Variants in MAPKAP1 observed in about 807,000 individuals in gnomAD.
The protein encoded by MAPKAP1 is MAPK associated protein 1.
In MAPKAP1, 20 loss-of-function variants were observed where a neutral mutation model predicts 65.7. The ratio of observed to expected loss-of-function variants is 0.30; its 90% CI spans 0.21 to 0.44. MAPKAP1 has a LOEUF of 0.44. Ranked by LOEUF, MAPKAP1 falls within the 20% of genes least tolerant of loss-of-function variation. The probability of loss-of-function intolerance (pLI) is 1.00; values close to 1 mark genes in which losing one functional copy is unlikely to be tolerated. For missense variants in MAPKAP1, 423 were observed against 648.0 expected, an observed-to-expected ratio of 0.65 and a Z score of 3.77; for synonymous variants, 222 against 244.3, an observed-to-expected ratio of 0.91 and a Z score of 0.85.
intron 1 of MAPKAP1, among the ~76,000 whole-genome samples, chr9:125,686,737 T>C (rs1588074778): frequency 6.6e-6 from 1 of 152,354 alleles, no homozygotes; most frequent in Non-Finnish European, 1.5e-5. Context: ...AGAATTGTAA[T>C]AGTATCAAGA....
At chr9:125,637,074 G>C (rs1036856202) in intron 4 of MAPKAP1, among the ~76,000 whole-genome samples, 3 of 152,134 alleles carry the variant, frequency 2.0e-5, no homozygotes, top group African/African-American at 7.2e-5. Flanking sequence ...TTTGAGACCA[G>C]CCTGGCCAAC....
chr9:125,548,546 C>T (rs1263496983), intron 6 of MAPKAP1, among the ~76,000 whole-genome samples: 1 of 152,212 alleles, frequency 6.6e-6, no homozygotes, highest in Non-Finnish European at 1.5e-5. Flanking sequence ...AACATAATCA[C>T]TTTAACTTCA....
intron 5 of MAPKAP1, among the ~76,000 whole-genome samples, chr9:125,572,487 G>A (rs1831264516): frequency 6.6e-6 from 1 of 152,232 alleles, no homozygotes; most frequent in South Asian, 2.1e-4. Flanking sequence ...ATGAAAAACT[G>A]GAGAATGAAA....
chr9:125,481,251 G>GTT (rs1379919428), intron 9 of MAPKAP1, among the ~76,000 whole-genome samples: 1 of 152,122 alleles, frequency 6.6e-6, no homozygotes, highest in Non-Finnish European at 1.5e-5. Flanking sequence ...ATGAATTAAA[G>GTT]TTTGTCTTTT....
intron 8 of MAPKAP1, among the ~76,000 whole-genome samples, chr9:125,494,360 G>A (rs1471410413): frequency 6.6e-5 from 10 of 152,138 alleles, no homozygotes; most frequent in African/African-American, 2.2e-4. Flanking sequence ...TCGGGATCAC[G>A]CAGTAGGATA....
In MAPKAP1 at chr9:125,484,430, C is replaced by T; in HGVS notation, c.1207+13G>A. On this transcript the variant is annotated intron_variant, in intron 9 of 11. Transcript: ENST00000265960. ...ACACGACAAGCTAGCTCATCACCTG[C>T]TCACACACTTACCTAGCTGTACGTC... is the stretch of plus-strand genomic sequence containing the variant. The T allele has an allele frequency of 1.2e-6, 2 of 1,604,166 alleles. No individual in the cohort carries two copies. Among genetic ancestry groups the T allele is most frequent in the East Asian group, 2.2e-5 (1 of 44,480 alleles).
At chr9:125,501,371 T>C (rs1299591123) in intron 8 of MAPKAP1, among the ~76,000 whole-genome samples, 1 of 152,216 alleles carries the variant, frequency 6.6e-6, no homozygotes, top group Non-Finnish European at 1.5e-5. Flanking sequence ...AAACCCAACT[T>C]CGTAATGTTA....
At chr9:125,522,676 T>C (rs1829654533) in intron 7 of MAPKAP1, among the ~76,000 whole-genome samples, 1 of 152,192 alleles carries the variant, frequency 6.6e-6, no homozygotes, top group South Asian at 2.1e-4. Context: ...ATTGTTAGAG[T>C]GCTCTCCAGA....
At chr9:125,656,956 T>C (rs1028755570) in intron 4 of MAPKAP1, among the ~76,000 whole-genome samples, 10 of 152,086 alleles carry the variant, frequency 6.6e-5, no homozygotes, top group Admixed American at 5.9e-4. Flanking sequence ...ACAGCAAACT[T>C]AGCACAAACA....
At chr9:125,543,015 G>A (rs954489232) in intron 7 of MAPKAP1, 44 bp downstream of exon 7, 3 of 1,294,430 alleles carry the variant, frequency 2.3e-6, no homozygotes, top group Middle Eastern at 1.8e-4. Context: ...TTTTAATAAG[G>A]GTTAAGCTTC....
At chr9:125,667,746 T>C (rs113743210) in intron 3 of MAPKAP1, among the ~76,000 whole-genome samples, 4,429 of 152,222 alleles carry the variant, frequency 0.029, 83 homozygotes, top group Middle Eastern at 0.051. Context: ...TTTTAAGCTA[T>C]GGAAGTGAAG....
chr9:125,656,125 C>G (rs1834025797), intron 4 of MAPKAP1, among the ~76,000 whole-genome samples: 1 of 152,176 alleles, frequency 6.6e-6, no homozygotes, highest in Non-Finnish European at 1.5e-5. Context: ...AAATTACATC[C>G]TCAAACAATG....
At chr9:125,659,849 T>C (rs145627265) in intron 3 of MAPKAP1, among the ~76,000 whole-genome samples, 1 of 152,174 alleles carries the variant, frequency 6.6e-6, no homozygotes, top group African/African-American at 2.4e-5. Context: ...TCAAATCCAC[T>C]CCAAGTAGGC....
Position 125,635,621 on chromosome 9 carries a change from C to T in MAPKAP1, c.498+22030G>A, listed in dbSNP as rs560052805. On this transcript the variant is annotated intron_variant, in intron 4 of 11. Transcript: ENST00000265960. ...ATGTAATCTAAACACTATTTGCATT[C>T]TACACAAACAAGAAAAACTCAACAC... Among the ~76,000 whole-genome samples the T allele has an allele frequency of 3.9e-5, 6 of 152,288 alleles. No homozygotes were observed. The South Asian group carries it at 1.0e-3, about 26-fold the overall frequency.
chr9:125,704,033 A>G (rs2900229), intron 1 of MAPKAP1, among the ~76,000 whole-genome samples: 54,877 of 152,014 alleles, frequency 0.36, 10,168 homozygotes, highest in Middle Eastern at 0.44. Context: ...CTTTAGTGCA[A>G]AGGCCACTTC....
chr9:125,639,204 G>T (rs1020979431), intron 4 of MAPKAP1, among the ~76,000 whole-genome samples: 9 of 152,162 alleles, frequency 5.9e-5, no homozygotes, highest in African/African-American at 2.2e-4. Context: ...ATGCACCACT[G>T]CACTCCAGCC....
At chr9:125,594,236 T>C (rs1257097084) in intron 4 of MAPKAP1, among the ~76,000 whole-genome samples, 1 of 152,258 alleles carries the variant, frequency 6.6e-6, no homozygotes, top group African/African-American at 2.4e-5. Flanking sequence ...AATGTGATTT[T>C]TCTCAAATCA....
At chr9:125,640,484 T>TA (rs1204684852) in intron 4 of MAPKAP1, among the ~76,000 whole-genome samples, 3 of 152,160 alleles carry the variant, frequency 2.0e-5, no homozygotes, top group Non-Finnish European at 4.4e-5. Flanking sequence ...CGAGACCACT[T>TA]ACTCTGCCAG....
chr9:125,609,487 T>C (rs1246072427), intron 4 of MAPKAP1, among the ~76,000 whole-genome samples: 1 of 152,154 alleles, frequency 6.6e-6, no homozygotes, highest in East Asian at 1.9e-4. Context: ...TTTATTTGTT[T>C]GTTTGTTTGT....
Sources: gnomAD v4.1 joint callset for allele counts (sites outside exome capture counted in the v4.1 genomes callset) on GRCh38, gnomAD v4.1.1 for gene constraint, MANE v1.5 for transcripts, NCBI Gene and HGNC (gene_info 2026-07-23, HGNC 2026-07-21) for gene names.